MSRB3: variants seen among roughly 807,000 people sequenced by gnomAD.
MSRB3 encodes the protein methionine sulfoxide reductase B3.
Under a neutral mutation model 21.0 loss-of-function variants are expected in MSRB3, and 13 were observed. The ratio of observed to expected loss-of-function variants is 0.62; its 90% CI spans 0.40 to 0.98. The LOEUF is 0.98. MSRB3 is among the 50% of genes least tolerant of loss of function. The pLI, the probability that MSRB3 is intolerant of heterozygous loss-of-function variation, is 0.00. For missense variants in MSRB3, 199 were observed against 230.3 expected (o/e 0.86, Z 0.88); for synonymous variants, 87 against 88.6 (o/e 0.98, Z 0.10).
chr12:65,342,097 T>A (rs1304431160), intron 4 of MSRB3, among the ~76,000 whole-genome samples: 1 of 151,796 alleles, frequency 6.6e-6, no homozygotes, highest in African/African-American at 2.4e-5. Context: ...GATGTAGGCC[T>A]TTCTAAACAA....
intron 1 of MSRB3, among the ~76,000 whole-genome samples, chr12:65,290,655 T>C (rs1372374686): frequency 6.6e-6 from 1 of 152,236 alleles, no homozygotes; most frequent in Non-Finnish European, 1.5e-5. Flanking sequence ...TTCAGTTTTT[T>C]ACTTTTGGTC....
intron 5 of MSRB3, among the ~76,000 whole-genome samples, chr12:65,391,543 T>C (rs964731580): frequency 6.6e-6 from 1 of 152,226 alleles, no homozygotes; most frequent in African/African-American, 2.4e-5. Flanking sequence ...CTGTTTTTTG[T>C]TTGTAATTTA....
At chr12:65,376,375 T>C (rs1042414851) in intron 5 of MSRB3, among the ~76,000 whole-genome samples, 1 of 152,222 alleles carries the variant, frequency 6.6e-6, no homozygotes. Flanking sequence ...CGCCTCGGCC[T>C]CCCAAAGTGC....
In MSRB3 at chr12:65,326,791, A is replaced by C. The variant is rs1265505545; in HGVS notation, c.77-35A>C. ...AGCAATTATTTAGGATTCAAGCTAAAAAGGCTTCTTCTCCCATATCCTCTC... is the reference window on the plus strand; with the variant it reads ...AGCAATTATTTAGGATTCAAGCTAACAAGGCTTCTTCTCCCATATCCTCTC... On this transcript the variant is annotated intron_variant, in intron 2 of 6. Coordinates refer to ENST00000308259, the MANE Select transcript of MSRB3 (RefSeq NM_001031679.3). The C allele has an allele frequency of 2.6e-6, 4 of 1,551,562 alleles. No homozygotes were observed. The African/African-American group carries it at 4.1e-5, about 16-fold the overall frequency.
chr12:65,328,733 CAACAA>C (rs1211447865), intron 4 of MSRB3, 130 bp downstream of exon 4: 3 of 712,744 alleles, frequency 4.2e-6, no homozygotes, highest in Non-Finnish European at 7.5e-6. Context: ...CATTTACCCC[CAACAA>C]AACAAAAGTA....
At chr12:65,337,967 G>A (rs1234317897) in intron 4 of MSRB3, among the ~76,000 whole-genome samples, 4 of 152,126 alleles carry the variant, frequency 2.6e-5, no homozygotes, top group Admixed American at 6.5e-5. Context: ...TTATGATATA[G>A]GGCTTTTGTA....
chr12:65,386,802 T>G (rs1879217731), intron 5 of MSRB3, among the ~76,000 whole-genome samples: 1 of 152,040 alleles, frequency 6.6e-6, no homozygotes, highest in African/African-American at 2.4e-5. Context: ...TTAAATGTTA[T>G]TACCATGTCT....
chr12:65,415,886 T>A (rs930227361), intron 5 of MSRB3, among the ~76,000 whole-genome samples: 3 of 152,136 alleles, frequency 2.0e-5, no homozygotes, highest in African/African-American at 7.2e-5. Context: ...AGGCTTATAG[T>A]GCCAAGTTGT....
At chr12:65,396,440 C>T (rs1442397514) in intron 5 of MSRB3, among the ~76,000 whole-genome samples, 3 of 152,142 alleles carry the variant, frequency 2.0e-5, no homozygotes, top group African/African-American at 7.2e-5. Context: ...CCAATAATCC[C>T]AGCACTTTGG....
At chr12:65,340,986 A>G (rs1283648254) in intron 4 of MSRB3, among the ~76,000 whole-genome samples, 1 of 152,142 alleles carries the variant, frequency 6.6e-6, no homozygotes, top group Non-Finnish European at 1.5e-5. Context: ...TAAAGAAAAT[A>G]GAATAAATCT....
chr12:65,448,616 G>C (rs543527444), intron 5 of MSRB3, among the ~76,000 whole-genome samples: 1 of 152,152 alleles, frequency 6.6e-6, no homozygotes, highest in East Asian at 1.9e-4. Flanking sequence ...TGTCTAATAT[G>C]GTCGCCATTA....
intron 5 of MSRB3, among the ~76,000 whole-genome samples, chr12:65,410,832 G>A (rs1880678087): frequency 1.3e-5 from 2 of 152,114 alleles, no homozygotes; most frequent in South Asian, 4.1e-4. Flanking sequence ...ATTTCTGGCT[G>A]TTACTGTTTG....
chr12:65,308,447 T>A (rs890043420), intron 1 of MSRB3, 82 bp from the exon 2 acceptor site: 1 of 1,531,706 alleles, frequency 6.5e-7, no homozygotes, highest in African/African-American at 1.4e-5. Context: ...GATAAAACTG[T>A]AACCATCAGT....
chr12:65,388,697 C>T (rs972913759), intron 5 of MSRB3, among the ~76,000 whole-genome samples: 1 of 151,970 alleles, frequency 6.6e-6, no homozygotes, highest in Non-Finnish European at 1.5e-5. Context: ...TAGTGAGAAC[C>T]CGTCTCTCCA....
chr12:65,449,848 A>C (rs756901407), intron 5 of MSRB3, among the ~76,000 whole-genome samples: 26 of 152,362 alleles, frequency 1.7e-4, no homozygotes, highest in Non-Finnish European at 3.1e-4. Flanking sequence ...TATGGTACAG[A>C]TAGAATTGGC....
intron 1 of MSRB3, among the ~76,000 whole-genome samples, chr12:65,280,998 G>C (rs1457314675): frequency 6.6e-6 from 1 of 152,108 alleles, no homozygotes; most frequent in African/African-American, 2.4e-5. Context: ...AGGCCAGTGT[G>C]GGAGGATTGC....
At chr12:65,364,788 A>AT (rs1877911149) in intron 4 of MSRB3, among the ~76,000 whole-genome samples, 1 of 152,168 alleles carries the variant, frequency 6.6e-6, no homozygotes, top group Admixed American at 6.5e-5. Context: ...GTAAAATCTA[A>AT]TAGGAATCTG....
chr12:65,355,189 T>C (rs1294238984), intron 4 of MSRB3, among the ~76,000 whole-genome samples: 3 of 151,856 alleles, frequency 2.0e-5, no homozygotes, highest in Non-Finnish European at 2.9e-5. Flanking sequence ...AGATTAATAA[T>C]TGTCAATCTA....
At chr12:65,428,636 G>A (rs1453328923) in intron 5 of MSRB3, among the ~76,000 whole-genome samples, 2 of 152,114 alleles carry the variant, frequency 1.3e-5, no homozygotes, top group African/African-American at 2.4e-5. Context: ...ATCTAATCAT[G>A]TAACCCCTCT....
Sources: allele counts gnomAD v4.1 joint callset (sites outside exome capture counted in the v4.1 genomes callset), GRCh38; gene constraint gnomAD v4.1.1; transcripts MANE v1.5; gene names NCBI Gene and HGNC (gene_info 2026-07-23, HGNC 2026-07-21).